The following FANCC variants were observed in gnomAD, a reference collection of about 807,000 sequenced individuals.
The protein encoded by FANCC is FA complementation group C.
A neutral mutation model predicts 71.3 loss-of-function variants in FANCC; 55 were observed. The ratio of observed to expected loss-of-function variants is 0.77; its 90% CI spans 0.62 to 0.97. The LOEUF (loss-of-function observed/expected upper bound fraction) is 0.97. FANCC is among the 50% of genes least tolerant of loss of function. FANCC has a pLI of 0.00. For missense variants in FANCC, 678 were observed against 670.9 expected (o/e 1.01, Z -0.12); for synonymous variants, 275 against 244.9 (o/e 1.12, Z -1.15).
At chr9:95,231,054 C>T (rs1183722829) in intron 4 of FANCC, among the ~76,000 whole-genome samples, 1 of 152,220 alleles carries the variant, frequency 6.6e-6, no homozygotes, top group Admixed American at 6.5e-5. Context: ...GGAAGTCCAG[C>T]TGGCTTCACC....
At chr9:95,103,353 T>C (rs1260707625) in intron 14 of FANCC, among the ~76,000 whole-genome samples, 4 of 152,210 alleles carry the variant, frequency 2.6e-5, no homozygotes, top group Non-Finnish European at 5.9e-5. Context: ...CCTTGGCTGG[T>C]GCACCAAGAG....
At chr9:95,201,665 T>G (rs1428700812) in intron 4 of FANCC, among the ~76,000 whole-genome samples, 1 of 152,162 alleles carries the variant, frequency 6.6e-6, no homozygotes, top group South Asian at 2.1e-4. Flanking sequence ...GAAAAAAATT[T>G]GTGCCACCAC....
chr9:95,127,612 C>T (rs1331595084), intron 8 of FANCC, among the ~76,000 whole-genome samples: 1 of 152,230 alleles, frequency 6.6e-6, no homozygotes, highest in African/African-American at 2.4e-5. Context: ...CCCTGCTTCA[C>T]AGCAGCATTC....
chr9:95,158,935 C>G (rs1175497036), intron 6 of FANCC, among the ~76,000 whole-genome samples: 1 of 152,156 alleles, frequency 6.6e-6, no homozygotes, highest in Non-Finnish European at 1.5e-5. Context: ...AAAATGTAAC[C>G]TAAGAGACTG....
At chr9:95,217,040 T>C (rs992774673) in intron 4 of FANCC, among the ~76,000 whole-genome samples, 1 of 152,198 alleles carries the variant, frequency 6.6e-6, no homozygotes, top group Non-Finnish European at 1.5e-5. Context: ...GAACAATTAC[T>C]GAAACAAACC....
rs985836401 is a variant in FANCC at position 95,293,357 on chromosome 9, G to T, written c.-79+24169C>A. The T allele has an allele frequency of 1.4e-5, 22 of 1,598,674 alleles. No individual in the cohort carries two copies. The African/African-American group carries it at 2.8e-4, about 21-fold the overall frequency. ...TGATCAGGGCTCTGCCACAGGGGCT[G>T]TGCACTTACTGCCTGCCCTTGTCAG... On this transcript the variant is annotated intron_variant, in intron 1 of 14. Transcript: ENST00000289081.
At chr9:95,313,434 C>A (rs964899253) in intron 1 of FANCC, among the ~76,000 whole-genome samples, 2 of 152,234 alleles carry the variant, frequency 1.3e-5, no homozygotes, top group Non-Finnish European at 2.9e-5. Flanking sequence ...ACAACCTTCA[C>A]CGGAGAAGTC....
At chr9:95,105,866 C>A (rs2071406217) in intron 14 of FANCC, among the ~76,000 whole-genome samples, 2 of 152,222 alleles carry the variant, frequency 1.3e-5, no homozygotes, top group African/African-American at 4.8e-5. Flanking sequence ...CGGTGCATTG[C>A]TTGTCCCTCT....
chr9:95,099,334 G>T lies in FANCC; in HGVS notation c.*2373C>A. ...TCGCACCTCTGAAGACCTTGGTCCA[G>T]TTCCTTCCAGGGTGGCTTCACGCCT... On this transcript the variant is annotated 3_prime_UTR_variant, in exon 15 of 15. Coordinates refer to ENST00000289081, the MANE Select transcript of FANCC (RefSeq NM_000136.3). The T allele has an allele frequency of 4.4e-6, 1 of 227,226 alleles. No homozygotes were observed. The highest frequency in any genetic ancestry group is 8.7e-6 in the Non-Finnish European group (1 of 114,426). The allele number at this position is 227,226 out of a possible 1,614,324, so 14.1% of individuals were successfully genotyped here.
At chr9:95,295,357 AAAAACAAAAC>A (rs879514379) in intron 1 of FANCC, among the ~76,000 whole-genome samples, 4 of 152,128 alleles carry the variant, frequency 2.6e-5, no homozygotes, top group African/African-American at 9.6e-5. Context: ...AAACAAAACA[AAAAACAAAAC>A]AAAACAAAAC....
chr9:95,294,498 G>A, intron 1 of FANCC: 1 of 1,586,588 alleles, frequency 6.3e-7, no homozygotes, highest in Non-Finnish European at 8.7e-7. Context: ...ATCTGCCTCT[G>A]GGAAGTATTC....
chr9:95,244,445 C>T (rs902180306), intron 3 of FANCC, among the ~76,000 whole-genome samples: 1 of 151,972 alleles, frequency 6.6e-6, no homozygotes, highest in African/African-American at 2.4e-5. Flanking sequence ...TTTGGGAGGC[C>T]GAGGCAGGCA....
intron 1 of FANCC, chr9:95,293,436 C>G: frequency 6.4e-7 from 1 of 1,568,662 alleles, no homozygotes; most frequent in Non-Finnish European, 8.6e-7. Context: ...TAAAGAGAGC[C>G]TACTTCTTTT....
At chr9:95,135,572 C>G (rs985172005) in intron 7 of FANCC, 70 bp from the exon 8 acceptor site, 4 of 1,369,260 alleles carry the variant, frequency 2.9e-6, no homozygotes, top group Non-Finnish European at 4.1e-6. Context: ...AAAAAAAGTT[C>G]AAAATGCAAT....
At chr9:95,262,135 G>A (rs1254667233) in intron 1 of FANCC, among the ~76,000 whole-genome samples, 1 of 152,014 alleles carries the variant, frequency 6.6e-6, no homozygotes, top group African/African-American at 2.4e-5. Context: ...CTGAGTCACC[G>A]AGATAACATG....
intron 1 of FANCC, among the ~76,000 whole-genome samples, chr9:95,313,085 G>C (rs1835507513): frequency 6.6e-6 from 1 of 152,234 alleles, no homozygotes; most frequent in South Asian, 2.1e-4. Flanking sequence ...CACTGGGGAA[G>C]ATACACACCA....
chr9:95,157,873 A>G (rs549906202), intron 6 of FANCC, among the ~76,000 whole-genome samples: 1 of 152,190 alleles, frequency 6.6e-6, no homozygotes, highest in African/African-American at 2.4e-5. Context: ...TTTCCAGCCT[A>G]AACAGAAGAT....
At chr9:95,306,635 T>C (rs989194899) in intron 1 of FANCC, among the ~76,000 whole-genome samples, 1 of 152,178 alleles carries the variant, frequency 6.6e-6, no homozygotes, top group East Asian at 1.9e-4. Context: ...TTAAGGCAAA[T>C]GTTTTCTGCT....
At chr9:95,141,961 A>AT (rs1828768139) in intron 7 of FANCC, among the ~76,000 whole-genome samples, 1 of 147,958 alleles carries the variant, frequency 6.8e-6, no homozygotes, top group African/African-American at 2.5e-5. Flanking sequence ...TAATGGTAAT[A>AT]GTAATATGTT....
Sources: gnomAD v4.1 joint callset for allele counts (sites outside exome capture counted in the v4.1 genomes callset) on GRCh38, gnomAD v4.1.1 for gene constraint, MANE v1.5 for transcripts, NCBI Gene and HGNC (gene_info 2026-07-23, HGNC 2026-07-21) for gene names.